Variants in CDH3 observed in about 807,000 individuals in gnomAD.
CDH3 encodes the protein cadherin 3.
In CDH3, 54 loss-of-function variants were observed where a neutral mutation model predicts 82.0. The ratio of observed to expected loss-of-function variants is 0.66; its 90% CI spans 0.53 to 0.83. The LOEUF (loss-of-function observed/expected upper bound fraction) is 0.83, where lower values mean the gene tolerates loss of function less well. Ranked by LOEUF, CDH3 falls within the 40% of genes least tolerant of loss-of-function variation. CDH3 has a pLI of 0.00. For synonymous variants in CDH3, 446 were observed against 437.9 expected (o/e 1.02, Z -0.23); for missense variants, 1,054 against 1,084.6 (o/e 0.97, Z 0.40).
intron 2 of CDH3, among the ~76,000 whole-genome samples, chr16:68,723,955 G>A (rs1206177975): frequency 6.6e-6 from 1 of 151,806 alleles, no homozygotes; most frequent in African/African-American, 2.4e-5. Context: ...TGTAGTCCCA[G>A]CTACTTGGGA....
chr16:68,681,122 C>G (rs775209242), intron 8 of CDH3, 26 bp downstream of exon 8: 17 of 1,612,862 alleles, frequency 1.1e-5, no homozygotes, highest in Non-Finnish European at 1.4e-5. Flanking sequence ...CACTCAGTCC[C>G]TCATCAGATA....
intron 2 of CDH3, among the ~76,000 whole-genome samples, chr16:68,673,572 C>G (rs1026709320): frequency 1.3e-5 from 2 of 152,050 alleles, no homozygotes; most frequent in African/African-American, 4.8e-5. Context: ...GATCCTCCCA[C>G]TTCAGCCTCC....
downstream of CDH3, among the ~76,000 whole-genome samples, chr16:68,732,102 G>T (rs191056351): frequency 9.1e-4 from 136 of 148,750 alleles, no homozygotes; most frequent in African/African-American, 3.0e-3. Flanking sequence ...AGTTAGCACC[G>T]TTTCAACTGG....
intron 2 of CDH3, among the ~76,000 whole-genome samples, chr16:68,669,733 T>C (rs950320337): frequency 2.0e-5 from 3 of 152,074 alleles, no homozygotes; most frequent in African/African-American, 7.2e-5. Flanking sequence ...TTGGAGTCAT[T>C]GAGTCTCTCC....
At chr16:68,679,647 A>G in intron 6 of CDH3, 152 bp from the exon 7 acceptor site, 1 of 600,760 alleles carries the variant, frequency 1.7e-6, no homozygotes, top group Non-Finnish European at 2.9e-6. Context: ...GTGAGTCGAG[A>G]TCACACCATT....
chr16:68,663,919 A>G (rs1729166822), intron 2 of CDH3, among the ~76,000 whole-genome samples: 1 of 150,628 alleles, frequency 6.6e-6, no homozygotes, highest in East Asian at 2.0e-4. Context: ...GCACCCATTA[A>G]CTCGTCATTT....
chr16:68,693,299 G>T (rs1017154775), intron 13 of CDH3, among the ~76,000 whole-genome samples: 1 of 152,060 alleles, frequency 6.6e-6, no homozygotes, highest in Non-Finnish European at 1.5e-5. Context: ...CTATATGGGG[G>T]CGAAGGTGGA....
At chr16:68,696,542 A>G (rs1005577213) in intron 15 of CDH3, 3 of 178,842 alleles carry the variant, frequency 1.7e-5, no homozygotes, top group Non-Finnish European at 2.4e-5. Flanking sequence ...CCTGGCCAAC[A>G]TGGTGGGAGG....
intron 8 of CDH3, 30 bp from the exon 9 acceptor site, chr16:68,682,272 C>G (rs199903900): frequency 6.2e-7 from 1 of 1,608,160 alleles, no homozygotes; most frequent in Non-Finnish European, 8.5e-7. Flanking sequence ...ATTCTCTGCT[C>G]TGATAGTGCT....
downstream of CDH3, among the ~76,000 whole-genome samples, chr16:68,701,035 C>T (rs1470823009): frequency 2.0e-5 from 3 of 152,174 alleles, no homozygotes; most frequent in Non-Finnish European, 4.4e-5. Flanking sequence ...CAAACACCTG[C>T]TGCCCGTTAT....
intron 1 of CDH3, among the ~76,000 whole-genome samples, chr16:68,717,776 GA>G (rs11306289): frequency 0.27 from 34,087 of 127,380 alleles, 4,112 homozygotes; most frequent in East Asian, 0.33. Flanking sequence ...ATCCTCTAAA[GA>G]AAAAAAAAAA....
rs774748056 is a variant in CDH3 at position 68,685,367 on chromosome 16, A to C, written c.1570+17A>C. Reference sequence around the variant, plus strand: ...TGGACAATGGTGAGAGCATCCTCCCAGCCCTCCCACAAGGGCCACTTTTGG... The same window carrying C: ...TGGACAATGGTGAGAGCATCCTCCCCGCCCTCCCACAAGGGCCACTTTTGG... On this transcript the variant is annotated intron_variant, in intron 11 of 15. Coordinates refer to ENST00000264012, the MANE Select transcript of CDH3 (RefSeq NM_001793.6). 1 of 1,613,608 alleles carries C rather than the reference A, an allele frequency of 6.2e-7. No homozygotes were observed. Among genetic ancestry groups the C allele is most frequent in the Non-Finnish European group, 8.5e-7 (1 of 1,179,904 alleles).
intron 2 of CDH3, among the ~76,000 whole-genome samples, chr16:68,666,678 T>C (rs1288340104): frequency 6.6e-6 from 1 of 152,260 alleles, no homozygotes; most frequent in East Asian, 1.9e-4. Flanking sequence ...CCTCTCTCTC[T>C]CTTCTTTTTG....
At chr16:68,720,512 A>C (rs534727648) in intron 1 of CDH3, among the ~76,000 whole-genome samples, 1 of 152,338 alleles carries the variant, frequency 6.6e-6, no homozygotes, top group East Asian at 1.9e-4. Flanking sequence ...AACAAGGCAC[A>C]GACATCTATT....
chr16:68,678,259 C>T lies in CDH3; in HGVS notation c.372C>T (p.Phe124=). 1 of 1,614,120 alleles carries T rather than the reference C, an allele frequency of 6.2e-7. No homozygotes were observed. Residue 124 remains phenylalanine (F), a synonymous_variant, in exon 4 of 16, where the codon TTC becomes TTT. Coordinates refer to ENST00000264012, the MANE Select transcript of CDH3 (RefSeq NM_001793.6). ...TCCCTGAAAATGGCAAGGGTCCCTTCCCCCAGAGACTGAATCAGGTACGAC... is the reference window on the plus strand; with the variant it reads ...TCCCTGAAAATGGCAAGGGTCCCTTTCCCCAGAGACTGAATCAGGTACGAC... ...ISVPENGKGP[F]PQRLNQLKSN...
Position 68,678,501 on chromosome 16 carries a change from C to T in CDH3, c.391C>T (p.Leu131Phe). ...AGCTGCCATTTTCTTTTCCCTCCAG[C>T]TCAAGTCTAATAAAGATAGAGACAC... ...KGPFPQRLNQLKSNKDRDTKI... is the reference protein window; with the variant it reads ...KGPFPQRLNQFKSNKDRDTKI... The change falls in exon 5 of 16, where the codon CTC (leucine) becomes TTC (phenylalanine). Residue 131 changes from leucine to phenylalanine, a missense_variant and splice_region_variant. Transcript: ENST00000264012. 1 of 1,614,198 alleles carries T rather than the reference C, an allele frequency of 6.2e-7. No homozygotes were observed. The highest frequency in any genetic ancestry group is 1.1e-5 in the South Asian group (1 of 91,080).
chr16:68,705,370 G>T (rs1332522480), intron 1 of CDH3, among the ~76,000 whole-genome samples: 2 of 151,952 alleles, frequency 1.3e-5, no homozygotes, highest in African/African-American at 2.4e-5. Flanking sequence ...ATCATCTAAG[G>T]CTTTTTTATT....
chr16:68,671,475 T>C (rs1407655919), intron 2 of CDH3, among the ~76,000 whole-genome samples: 1 of 151,708 alleles, frequency 6.6e-6, no homozygotes, highest in Non-Finnish European at 1.5e-5. Flanking sequence ...CTTCTAAAGA[T>C]ACCAGTCATG....
At chr16:68,686,810 C>CA (rs1403094354) in intron 11 of CDH3, 15 of 506,984 alleles carry the variant, frequency 3.0e-5, no homozygotes, top group Admixed American at 1.3e-4. Flanking sequence ...AACTAATGAC[C>CA]AAAAAAAATA....
Sources: allele counts gnomAD v4.1 joint callset (sites outside exome capture counted in the v4.1 genomes callset), GRCh38; gene constraint gnomAD v4.1.1; transcripts MANE v1.5; gene names NCBI Gene and HGNC (gene_info 2026-07-23, HGNC 2026-07-21).